HABP2: variants seen among roughly 807,000 people sequenced by gnomAD.
HABP2 encodes the protein factor VII-activating protease.
In HABP2, 65 loss-of-function variants were observed where a neutral mutation model predicts 66.5. The ratio of observed to expected loss-of-function variants is 0.98; its 90% CI spans 0.80 to 1.20. The LOEUF (loss-of-function observed/expected upper bound fraction) is 1.20, where lower values mean the gene tolerates loss of function less well. Ranked by LOEUF, HABP2 falls within the 50% of genes most tolerant of loss-of-function variation. The pLI, the probability that HABP2 is intolerant of heterozygous loss-of-function variation, is 0.00. For missense variants in HABP2, 786 were observed against 691.0 expected (o/e 1.14, Z -1.54); for synonymous variants, 263 against 253.9 (o/e 1.04, Z -0.34).
intron 1 of HABP2, 137 bp from the exon 2 acceptor site, chr10:113,567,352 C>T (rs530119165): frequency 1.3e-5 from 9 of 708,316 alleles, no homozygotes; most frequent in Admixed American, 2.0e-5. Flanking sequence ...CTCCCTTCAA[C>T]CTCTAGCCCA....
chr10:113,551,807 A>AAAT (rs767242914), upstream of HABP2, among the ~76,000 whole-genome samples: 677 of 151,384 alleles, frequency 4.5e-3, 4 homozygotes, highest in Admixed American at 7.7e-3. Flanking sequence ...CTCTGTCTCA[A>AAAT]AATAATAATA....
At chr10:113,578,842 T>C (rs755483719) in intron 7 of HABP2, 44 bp downstream of exon 7, 2 of 1,323,238 alleles carry the variant, frequency 1.5e-6, no homozygotes, top group Admixed American at 1.7e-5. Flanking sequence ...TGGTCACTTA[T>C]TTTAAAACAG....
intron 4 of HABP2, among the ~76,000 whole-genome samples, chr10:113,576,821 G>T (rs546843186): frequency 2.9e-4 from 44 of 152,318 alleles, no homozygotes; most frequent in Non-Finnish European, 5.9e-4. Context: ...TCTCAGAAAA[G>T]TGACAAAACT....
chr10:113,558,771 T>A (rs1845046507), intron 1 of HABP2, among the ~76,000 whole-genome samples: 1 of 152,122 alleles, frequency 6.6e-6, no homozygotes, highest in Non-Finnish European at 1.5e-5. Flanking sequence ...TGGGGCTGAC[T>A]GACCAAAAAG....
chr10:113,588,793 G>C lies in HABP2; in HGVS notation c.*424G>C. 1 of 603,018 alleles carries C rather than the reference G, an allele frequency of 1.7e-6. No individual in the cohort carries two copies. The highest frequency in any genetic ancestry group is 2.8e-5 in the East Asian group (1 of 36,146). 37.4% of individuals were successfully genotyped at this position (603,018 alleles called of 1,614,324 possible). ...CAACAGAATCAGCCATCCACGTCTA[G>C]GTATCAGAGAGGACCACAAATACAA... On this transcript the variant is annotated 3_prime_UTR_variant, in exon 13 of 13. Coordinates refer to ENST00000351270, the MANE Select transcript of HABP2 (RefSeq NM_004132.5).
upstream of HABP2, among the ~76,000 whole-genome samples, chr10:113,551,281 A>C (rs183297054): frequency 3.3e-5 from 5 of 152,386 alleles, no homozygotes; most frequent in African/African-American, 9.6e-5. Context: ...ACAAATATTA[A>C]TGAAATAGCA....
At chr10:113,568,077 T>A (rs143766750) in intron 2 of HABP2, among the ~76,000 whole-genome samples, 1 of 152,370 alleles carries the variant, frequency 6.6e-6, no homozygotes, top group East Asian at 1.9e-4. Flanking sequence ...AAGGGCTCTC[T>A]GTCTCACAGA....
intron 1 of HABP2, among the ~76,000 whole-genome samples, chr10:113,561,316 G>A (rs1446461792): frequency 2.0e-5 from 3 of 152,270 alleles, no homozygotes; most frequent in Non-Finnish European, 2.9e-5. Context: ...CAACATGAGG[G>A]AGGATTTGGC....
chr10:113,574,475 GC>G, intron 3 of HABP2, 70 bp downstream of exon 3: 1 of 752,608 alleles, frequency 1.3e-6, no homozygotes, highest in Non-Finnish European at 2.4e-6. Flanking sequence ...GGGACCACAT[GC>G]AAGGGCCTCT....
In HABP2 at chr10:113,567,471, T is replaced by G; in HGVS notation, c.70-18T>G. 3 of 1,603,552 alleles carry G rather than the reference T, an allele frequency of 1.9e-6. No individual in the cohort carries two copies. The highest frequency in any genetic ancestry group is 1.7e-6 in the Non-Finnish European group (2 of 1,170,472). The stretch of plus-strand genomic sequence containing the variant: ...GCTCCATCTCAACGCTGATCTGCTG[T>G]GTTGTTTTGTTTTTCAGTTCTCCCT... On this transcript the variant is annotated intron_variant, in intron 1 of 12. Transcript: ENST00000351270.
At chr10:113,551,590 G>T (rs2133731919), upstream of HABP2, among the ~76,000 whole-genome samples, 1 of 152,280 alleles carries the variant, frequency 6.6e-6, no homozygotes, top group South Asian at 2.1e-4. Flanking sequence ...TGGATCACCT[G>T]AGGTCAGGAG....
rs1055118827 is a variant in HABP2, at chr10:113,562,287, C to T, written c.70-5202C>T. Among the ~76,000 whole-genome samples the T allele has an allele frequency of 2.0e-5, 3 of 152,114 alleles. No individual in the cohort carries two copies. The South Asian group carries it at 6.2e-4, about 32-fold the overall frequency. On this transcript the variant is annotated intron_variant, in intron 1 of 12. Coordinates refer to ENST00000351270, the MANE Select transcript of HABP2 (RefSeq NM_004132.5). Reference sequence around the variant, plus strand: ...GGTGGGAGAAGTGGGCAGTGGCTTACGTGCCTTTTGATCTGAGTGAAGATG... The same window carrying T: ...GGTGGGAGAAGTGGGCAGTGGCTTATGTGCCTTTTGATCTGAGTGAAGATG...
At chr10:113,554,452 A>T (rs778008632) in intron 1 of HABP2, among the ~76,000 whole-genome samples, 1 of 152,186 alleles carries the variant, frequency 6.6e-6, no homozygotes, top group Non-Finnish European at 1.5e-5. Flanking sequence ...CTGTGCTCAG[A>T]CACCTATCTT....
intron 2 of HABP2, among the ~76,000 whole-genome samples, chr10:113,569,044 G>C (rs988583420): frequency 6.6e-6 from 1 of 152,206 alleles, no homozygotes; most frequent in Admixed American, 6.5e-5. Flanking sequence ...CAGACTGGGA[G>C]CTACAGGGTC....
chr10:113,573,035 G>C (rs566457665), intron 2 of HABP2, among the ~76,000 whole-genome samples: 10 of 152,318 alleles, frequency 6.6e-5, no homozygotes, highest in African/African-American at 2.2e-4. Flanking sequence ...CATCCTCCAA[G>C]CCATCAGCTG....
chr10:113,574,098 G>A (rs913866459), intron 2 of HABP2, among the ~76,000 whole-genome samples, 191 bp from the exon 3 acceptor site: 12 of 152,170 alleles, frequency 7.9e-5, no homozygotes, highest in East Asian at 1.9e-4. Flanking sequence ...GGGTCATAGC[G>A]TCCCCCAAGT....
rs1382792912 is a variant in HABP2 at position 113,588,394 on chromosome 10, C to G, written c.*25C>G. On this transcript the variant is annotated 3_prime_UTR_variant, in exon 13 of 13. Coordinates refer to ENST00000351270, the MANE Select transcript of HABP2 (RefSeq NM_004132.5). ...AGGTACTGTCTTCTGGACCTCAGAG[C>G]CCACTCTCCTTGGCACCCTGACACC... The G allele has an allele frequency of 2.5e-6, 4 of 1,584,122 alleles. No individual in the cohort carries two copies. The highest frequency in any genetic ancestry group is 2.2e-5 in the East Asian group (1 of 44,642).
At chr10:113,575,206 C>T (rs960602888) in intron 3 of HABP2, among the ~76,000 whole-genome samples, 1 of 152,116 alleles carries the variant, frequency 6.6e-6, no homozygotes, top group South Asian at 2.1e-4. Context: ...AGAGCAGGGC[C>T]CAGGGATCCT....
Position 113,553,059 on chromosome 10 carries a change from T to C in HABP2, c.-63T>C. The C allele has an allele frequency of 8.1e-7, 1 of 1,238,428 alleles. No homozygotes were observed. The highest frequency in any genetic ancestry group is 1.2e-6 in the Non-Finnish European group (1 of 838,970). The allele number at this position is 1,238,428 out of a possible 1,614,324, so 76.7% of individuals were successfully genotyped here. On this transcript the variant is annotated 5_prime_UTR_variant, in exon 1 of 13. Coordinates refer to ENST00000351270, the MANE Select transcript of HABP2 (RefSeq NM_004132.5). Reference sequence around the variant, plus strand: ...CTTGGAGACTGACATTTTTCCCCCCTAAAGGCATAGACAACAAAAGAAATT... The same window carrying C: ...CTTGGAGACTGACATTTTTCCCCCCCAAAGGCATAGACAACAAAAGAAATT...
Sources: allele counts gnomAD v4.1 joint callset (sites outside exome capture counted in the v4.1 genomes callset), GRCh38; gene constraint gnomAD v4.1.1; transcripts MANE v1.5; gene names NCBI Gene and HGNC (gene_info 2026-07-23, HGNC 2026-07-21).